SS18L1: variants seen among roughly 807,000 people sequenced by gnomAD.
SS18L1 encodes SS18L1 subunit of BAF chromatin remodeling complex, also known as calcium-responsive transactivator.
Under a neutral mutation model 70.3 loss-of-function variants are expected in SS18L1, and 32 were observed. The observed-to-expected ratio is 0.46, with a 90% CI of 0.34 to 0.61. The LOEUF is 0.61. SS18L1 is among the 20% of genes least tolerant of loss of function. SS18L1 has a pLI of 0.01. For synonymous variants in SS18L1, 237 were observed against 229.7 expected, an observed-to-expected ratio of 1.03 and a Z score of -0.29; for missense variants, 430 against 542.1, an observed-to-expected ratio of 0.79 and a Z score of 2.05.
rs2057578393 is a variant in SS18L1, at chr20:62,174,079, T to C, written c.1037-438T>C. 6.6e-6 allele frequency among the ~76,000 whole-genome samples: 1 copy of C among 152,074 alleles called. No individual in the cohort carries two copies. The highest frequency in any genetic ancestry group is 2.1e-4 in the South Asian group (1 of 4,826). On this transcript the variant is annotated intron_variant, in intron 9 of 10. Transcript: ENST00000331758. The surrounding 1 kb of genome is among the most constrained non-coding windows in gnomAD (Gnocchi z 4.1). ...GCCGGAGCCTTTGACTTAGCCTTCC[T>C]AGAGACGATGTCTCTGTCTCACCTG...
chr20:62,172,833 C>G (rs775005887), intron 9 of SS18L1, 32 bp downstream of exon 9: 13 of 1,605,390 alleles, frequency 8.1e-6, no homozygotes, highest in Non-Finnish European at 1.1e-5. Context: ...CGGGGCCCCC[C>G]AGCGCCCACC....
In SS18L1 at chr20:62,174,418, AAGG is replaced by A. The variant is rs1279225392; in HGVS notation, c.1037-96_1037-94del. 1.2e-5 allele frequency: 18 copies of A among 1,502,102 alleles called. No individual in the cohort carries two copies. The highest frequency in any genetic ancestry group is 2.4e-5 in the East Asian group (1 of 41,982). 93.0% of individuals were successfully genotyped at this position (1,502,102 alleles called of 1,614,324 possible). On this transcript the variant is annotated intron_variant, in intron 9 of 10. Coordinates refer to ENST00000331758, the MANE Select transcript of SS18L1 (RefSeq NM_198935.3). The surrounding 1 kb of genome is among the most constrained non-coding windows in gnomAD (Gnocchi z 4.1). ...TGATGCATTGAGACGGGAATTTTTCAAGGAGAAGAGGAAGTTTTAAAAAAAATT... is the reference window on the plus strand; with the variant it reads ...TGATGCATTGAGACGGGAATTTTTCAAGAAGAGGAAGTTTTAAAAAAAATT...
At chr20:62,145,868 C>T (rs554159913) in intron 1 of SS18L1, among the ~76,000 whole-genome samples, 17 of 152,186 alleles carry the variant, frequency 1.1e-4, no homozygotes, top group East Asian at 1.9e-4. Context: ...ATGCCTCAGA[C>T]GTGTGCTGTG....
At position 62,170,797 on chromosome 20, in the gene SS18L1, TG is replaced by T. The variant is rs1174451915; in HGVS notation, c.917-1881del. 3.9e-5 allele frequency among the ~76,000 whole-genome samples: 6 copies of T among 152,220 alleles called. No individual in the cohort carries two copies. The East Asian group carries it at 1.2e-3, about 29-fold the overall frequency. The stretch of plus-strand genomic sequence containing the variant: ...AGAGCCAGGCCTGGTCCCTGTGTGC[TG>T]GGGCTGGGTGTTCTGAGCTGGCACT... On this transcript the variant is annotated intron_variant, in intron 8 of 10. Coordinates refer to ENST00000331758, the MANE Select transcript of SS18L1 (RefSeq NM_198935.3).
chr20:62,178,016 CTTT>C (rs770157620), intron 10 of SS18L1, among the ~76,000 whole-genome samples: 6 of 101,352 alleles, frequency 5.9e-5, no homozygotes, highest in Admixed American at 1.1e-4. Context: ...TGTGCCTGGC[CTTT>C]TTTTTTTTTT....
At chr20:62,175,222 A>G (rs1447125567) in intron 10 of SS18L1, 1 of 983,942 alleles carries the variant, frequency 1.0e-6, no homozygotes, top group Non-Finnish European at 1.2e-6. Flanking sequence ...CAGGGCTTTG[A>G]AGGAGCTGAG....
chr20:62,144,421 G>A (rs2056984494), intron 1 of SS18L1, among the ~76,000 whole-genome samples: 1 of 152,230 alleles, frequency 6.6e-6, no homozygotes, highest in Non-Finnish European at 1.5e-5. Flanking sequence ...TGTGGCCGGG[G>A]CTGCCCCTCT....
At chr20:62,152,374 T>TC in intron 1 of SS18L1, among the ~76,000 whole-genome samples, 2 of 152,214 alleles carry the variant, frequency 1.3e-5, no homozygotes, top group Non-Finnish European at 1.5e-5. Context: ...GATGCCAGCC[T>TC]CTGGCTCCTC....
intron 1 of SS18L1, among the ~76,000 whole-genome samples, chr20:62,148,562 C>CTTCGG (rs1158220635): frequency 6.0e-4 from 91 of 150,472 alleles, no homozygotes; most frequent in African/African-American, 2.1e-3. Context: ...TCCTTGCTGT[C>CTTCGG]TTAGGTGAGG....
intron 1 of SS18L1, among the ~76,000 whole-genome samples, chr20:62,149,471 G>A (rs1325790328): frequency 6.6e-6 from 1 of 152,252 alleles, no homozygotes; most frequent in Admixed American, 6.5e-5. Flanking sequence ...TCCTCAAATG[G>A]GAAATAGGTG....
chr20:62,174,376 G>A lies in SS18L1; in HGVS notation c.1037-141G>A, dbSNP rs1270118047. On this transcript the variant is annotated intron_variant, in intron 9 of 10. Coordinates refer to ENST00000331758, the MANE Select transcript of SS18L1 (RefSeq NM_198935.3). This position sits in a 1 kb window ranked among gnomAD's most constrained non-coding sequence, Gnocchi z 4.1. ...GCCACGTGCAGGTGCCAGGTGTTCT[G>A]GAGATTGACAAAAGGCTGATGCATT... 2.5e-5 allele frequency: 35 copies of A among 1,396,304 alleles called. No individual in the cohort carries two copies. Among genetic ancestry groups the A allele is most frequent in the Non-Finnish European group, 3.2e-5 (34 of 1,050,498 alleles). 86.5% of individuals were successfully genotyped at this position (1,396,304 alleles called of 1,614,324 possible). A position where few individuals can be genotyped will look rare whatever the true frequency, so the allele number is the denominator to read the frequency against.
Position 62,158,813 on chromosome 20 carries a change from G to C in SS18L1, c.146+65G>C. On this transcript the variant is annotated intron_variant, in intron 2 of 10. Coordinates refer to ENST00000331758, the MANE Select transcript of SS18L1 (RefSeq NM_198935.3). The surrounding 1 kb of genome is among the most constrained non-coding windows in gnomAD (Gnocchi z 4.5). ...ATGCAGAGTCTAAGCACAGAGGCCA[G>C]ATACGTCCCAAGAGTCCCCCAGCAC... The C allele has an allele frequency of 1.9e-6, 3 of 1,612,384 alleles. No homozygotes were observed. The highest frequency in any genetic ancestry group is 1.7e-6 in the Non-Finnish European group (2 of 1,179,660).
At chr20:62,152,011 T>A (rs1030611362) in intron 1 of SS18L1, among the ~76,000 whole-genome samples, 2 of 151,130 alleles carry the variant, frequency 1.3e-5, no homozygotes, top group African/African-American at 4.9e-5. Flanking sequence ...TTCCCCTCTT[T>A]TCCCGCTCCC....
At chr20:62,149,774 T>C (rs1320461009) in intron 1 of SS18L1, among the ~76,000 whole-genome samples, 1 of 152,210 alleles carries the variant, frequency 6.6e-6, no homozygotes, top group Admixed American at 6.5e-5. Context: ...TTATCCGTGG[T>C]ATTCGGAAAG....
In SS18L1 at chr20:62,174,145, A is replaced by G. The variant is rs2057579508; in HGVS notation, c.1037-372A>G. On this transcript the variant is annotated intron_variant, in intron 9 of 10. Transcript: ENST00000331758. This position sits in a 1 kb window ranked among gnomAD's most constrained non-coding sequence, Gnocchi z 4.1. ...CAGCTCCCGTGGTAGTTCAGTGACA[A>G]GTTACAGCAGCCAGTGTGACTGGGG... Among the ~76,000 whole-genome samples the G allele has an allele frequency of 6.6e-6, 1 of 152,100 alleles. No individual in the cohort carries two copies. The highest frequency in any genetic ancestry group is 2.4e-5 in the African/African-American group (1 of 41,402).
At position 62,163,559 on chromosome 20, in the gene SS18L1, G is replaced by T; in HGVS notation, c.658G>T (p.Gly220Cys). Residue 220 changes from glycine to cysteine, a missense_variant, in exon 6 of 11, where the codon GGC becomes TGC. Physicochemically the swap from Gly to Cys is radical, Grantham distance 159 (BLOSUM62 -3). Transcript: ENST00000331758. ...GQSSIAMMGQ[G>C]SQGSSMMGQR... ...GTCGTCCATCGCCATGATGGGGCAG[G>T]GCAGCCAGGGGAGCAGCATGATGGG... The T allele has an allele frequency of 1.2e-6, 2 of 1,610,534 alleles. No homozygotes were observed. The highest frequency in any genetic ancestry group is 8.5e-7 in the Non-Finnish European group (1 of 1,179,608).
chr20:62,161,685 G>T lies in SS18L1; in HGVS notation c.376+105G>T. 1 of 1,459,116 alleles carries T rather than the reference G, an allele frequency of 6.9e-7. No individual in the cohort carries two copies. The allele number at this position is 1,459,116 out of a possible 1,614,324, so 90.4% of individuals were successfully genotyped here. A position where few individuals can be genotyped will look rare whatever the true frequency, so the allele number is the denominator to read the frequency against. On this transcript the variant is annotated intron_variant, in intron 4 of 10. Coordinates refer to ENST00000331758, the MANE Select transcript of SS18L1 (RefSeq NM_198935.3). The surrounding 1 kb of genome is among the most constrained non-coding windows in gnomAD (Gnocchi z 4.4). ...GGCACCCCACCCCTCACAGGGCTGG[G>T]CATGGGACCCACTCCTCCTGGGGTA...
At chr20:62,168,644 C>CA (rs939448707) in intron 8 of SS18L1, among the ~76,000 whole-genome samples, 22 of 118,196 alleles carry the variant, frequency 1.9e-4, no homozygotes, top group African/African-American at 7.4e-4. Flanking sequence ...CATAGTAAGA[C>CA]CCCCTCTCTA....
chr20:62,145,012 C>T (rs571023976), intron 1 of SS18L1, among the ~76,000 whole-genome samples: 2 of 152,326 alleles, frequency 1.3e-5, no homozygotes, highest in South Asian at 2.1e-4. Flanking sequence ...AAATCTATCG[C>T]CTATTTTGAG....
Sources: allele counts gnomAD v4.1 joint callset (sites outside exome capture counted in the v4.1 genomes callset), GRCh38; gene constraint gnomAD v4.1.1; non-coding constraint Gnocchi (gnomAD v3.1); transcripts MANE v1.5; gene names NCBI Gene and HGNC (gene_info 2026-07-23, HGNC 2026-07-21).